FMN2: variants seen among roughly 807,000 people sequenced by gnomAD.
FMN2 encodes formin 2.
A neutral mutation model predicts 142.3 loss-of-function variants in FMN2; 51 were observed. That is an observed-to-expected ratio of 0.36 (90% CI 0.29 to 0.45). FMN2 has a LOEUF of 0.45. Ranked by LOEUF, FMN2 falls within the 20% of genes least tolerant of loss-of-function variation. FMN2 has a pLI of 1.00. For missense variants in FMN2, 1,936 were observed against 2,122.8 expected, an observed-to-expected ratio of 0.91 and a Z score of 1.73; for synonymous variants, 882 against 869.8, an observed-to-expected ratio of 1.01 and a Z score of -0.25.
At chr1:240,339,528 T>A (rs1311154257) in intron 13 of FMN2, among the ~76,000 whole-genome samples, 6 of 152,072 alleles carry the variant, frequency 3.9e-5, no homozygotes, top group East Asian at 3.9e-4. Flanking sequence ...AAAAAAAATT[T>A]AAAAAAAATT....
At chr1:240,136,636 G>T (rs1353214797) in intron 2 of FMN2, among the ~76,000 whole-genome samples, 1 of 152,094 alleles carries the variant, frequency 6.6e-6, no homozygotes, top group Non-Finnish European at 1.5e-5. Flanking sequence ...ATTAAAAGGG[G>T]TGACTCAGCT....
At chr1:240,468,985 G>T (rs1017054969) in intron 16 of FMN2, among the ~76,000 whole-genome samples, 1 of 152,262 alleles carries the variant, frequency 6.6e-6, no homozygotes, top group South Asian at 2.1e-4. Context: ...TCAGAGTTTT[G>T]TTGAAATAAA....
chr1:240,420,623 C>T (rs1354834073), intron 15 of FMN2, among the ~76,000 whole-genome samples: 1 of 152,168 alleles, frequency 6.6e-6, no homozygotes, highest in Non-Finnish European at 1.5e-5. Context: ...CTAAAGATAT[C>T]ACCTGAGCTA....
At chr1:240,274,569 A>G (rs1669129009) in intron 7 of FMN2, among the ~76,000 whole-genome samples, 1 of 152,126 alleles carries the variant, frequency 6.6e-6, no homozygotes, top group Non-Finnish European at 1.5e-5. Context: ...GGAAATACTA[A>G]CAGAGGGTTT....
chr1:240,322,478 CAGAG>C (rs763821426), intron 8 of FMN2, among the ~76,000 whole-genome samples: 1 of 152,162 alleles, frequency 6.6e-6, no homozygotes, highest in African/African-American at 2.4e-5. Flanking sequence ...TTTGCTACGA[CAGAG>C]AGAGGATTTA....
chr1:240,403,441 C>T (rs1674052464), intron 15 of FMN2, among the ~76,000 whole-genome samples: 1 of 152,126 alleles, frequency 6.6e-6, no homozygotes, highest in Admixed American at 6.6e-5. Flanking sequence ...CAAGACCAGC[C>T]TGAACAACAT....
At chr1:240,312,537 C>T (rs1174743431) in intron 8 of FMN2, among the ~76,000 whole-genome samples, 1 of 152,142 alleles carries the variant, frequency 6.6e-6, no homozygotes, top group Non-Finnish European at 1.5e-5. Context: ...ACATAGTAAG[C>T]ACTACAAAAA....
intron 7 of FMN2, among the ~76,000 whole-genome samples, chr1:240,260,591 G>T (rs764694488): frequency 6.6e-6 from 1 of 151,896 alleles, no homozygotes; most frequent in Non-Finnish European, 1.5e-5. Context: ...CCCACTTTTT[G>T]ATGGAATTGT....
intron 2 of FMN2, among the ~76,000 whole-genome samples, chr1:240,165,718 C>T (rs1314747618): frequency 6.6e-6 from 1 of 151,628 alleles, no homozygotes; most frequent in African/African-American, 2.4e-5. Context: ...TTGCCGGGGA[C>T]CTGGGGCACT....
At chr1:240,145,039 G>T in intron 2 of FMN2, 2 of 1,391,496 alleles carry the variant, frequency 1.4e-6, no homozygotes, top group South Asian at 1.2e-5. Flanking sequence ...CAGGGGCCAT[G>T]TTCTCATACA....
chr1:240,150,902 T>A (rs970817842), intron 2 of FMN2, among the ~76,000 whole-genome samples: 1 of 152,286 alleles, frequency 6.6e-6, no homozygotes, highest in East Asian at 1.9e-4. Flanking sequence ...AGGCTCTACA[T>A]CCACACATGT....
intron 2 of FMN2, among the ~76,000 whole-genome samples, chr1:240,159,092 T>C (rs1227355785): frequency 2.0e-5 from 3 of 152,208 alleles, no homozygotes; most frequent in South Asian, 4.1e-4. Context: ...TAATTGATGA[T>C]AGAATAGTCT....
At chr1:240,380,411 G>A (rs938878419) in intron 14 of FMN2, among the ~76,000 whole-genome samples, 13 of 152,016 alleles carry the variant, frequency 8.6e-5, no homozygotes, top group African/African-American at 3.1e-4. Context: ...AATTAAGGTA[G>A]AAATCAAAAG....
Position 240,177,697 on chromosome 1 carries a change from A to G in FMN2, c.1783-224A>G, listed in dbSNP as rs377343436. ...AAGAGGCGTAGGTTTTACTATAGAA[A>G]TGAAGTTGAGGCAAATGTGGTTATA... On this transcript the variant is annotated intron_variant, in intron 2 of 17. Transcript: ENST00000319653. 1.0e-3 allele frequency: 345 copies of G among 331,928 alleles called. 6 individuals are homozygous for G. In the South Asian group the frequency reaches 0.024, roughly 23 times the overall value. The allele number at this position is 331,928 out of a possible 1,614,324, so 20.6% of individuals were successfully genotyped here.
intron 1 of FMN2, among the ~76,000 whole-genome samples, chr1:240,109,311 G>A (rs982493519): frequency 2.0e-5 from 3 of 152,212 alleles, no homozygotes; most frequent in Non-Finnish European, 2.9e-5. Context: ...ACATACTGAA[G>A]ATGAACATAC....
rs577963044 is a variant in FMN2 at position 240,357,315 on chromosome 1, T to C, written c.4858+1407T>C. Among the ~76,000 whole-genome samples, 8 of 152,318 alleles carry C rather than the reference T, an allele frequency of 5.3e-5. No individual in the cohort carries two copies. In the East Asian group the frequency reaches 9.7e-4, roughly 18 times the overall value. On this transcript the variant is annotated intron_variant, in intron 14 of 17. Transcript: ENST00000319653. ...CTCTTATTCTTGGTCACATTATATGTGATTTATTATATAATATTTTGAATC... is the reference window on the plus strand; with the variant it reads ...CTCTTATTCTTGGTCACATTATATGCGATTTATTATATAATATTTTGAATC...
intron 1 of FMN2, among the ~76,000 whole-genome samples, chr1:240,096,157 G>C (rs569087889): frequency 1.3e-5 from 2 of 152,264 alleles, no homozygotes; most frequent in African/African-American, 4.8e-5. Context: ...TCCAGAAATA[G>C]AAACTGAGTC....
chr1:240,339,930 A>C (rs1251970298), intron 13 of FMN2, among the ~76,000 whole-genome samples: 1 of 152,108 alleles, frequency 6.6e-6, no homozygotes, highest in Non-Finnish European at 1.5e-5. Flanking sequence ...ATAACATTTA[A>C]GAAGATGTAC....
At chr1:240,285,475 C>T (rs1233203245) in intron 7 of FMN2, among the ~76,000 whole-genome samples, 1 of 151,868 alleles carries the variant, frequency 6.6e-6, no homozygotes, top group Admixed American at 6.6e-5. Flanking sequence ...GTATTTCAAG[C>T]CCACCGTGAG....
Sources: gnomAD v4.1 joint callset for allele counts (sites outside exome capture counted in the v4.1 genomes callset) on GRCh38, gnomAD v4.1.1 for gene constraint, MANE v1.5 for transcripts, NCBI Gene and HGNC (gene_info 2026-07-23, HGNC 2026-07-21) for gene names.